The following GLIS1 variants were observed in gnomAD, a reference collection of about 807,000 sequenced individuals.
The protein encoded by GLIS1 is zinc finger protein GLIS1.
Under a neutral mutation model 63.8 loss-of-function variants are expected in GLIS1, and 24 were observed. The observed-to-expected ratio is 0.38, with a 90% CI of 0.27 to 0.53. GLIS1 has a LOEUF of 0.53. Ranked by LOEUF, GLIS1 falls within the 20% of genes least tolerant of loss-of-function variation. The pLI, the probability that GLIS1 is intolerant of heterozygous loss-of-function variation, is 0.85. For missense variants in GLIS1, 1,036 were observed against 1,074.1 expected, an observed-to-expected ratio of 0.96 and a Z score of 0.50; for synonymous variants, 450 against 482.5, an observed-to-expected ratio of 0.93 and a Z score of 0.88.
chr1:53,710,599 G>A (rs1336952782), intron 2 of GLIS1, among the ~76,000 whole-genome samples: 1 of 152,244 alleles, frequency 6.6e-6, no homozygotes, highest in African/African-American at 2.4e-5. Context: ...TTCACAGGGA[G>A]GATGAGAAAT....
intron 5 of GLIS1, 28 bp from the exon 6 acceptor site, chr1:53,524,915 G>A: frequency 6.5e-7 from 1 of 1,528,376 alleles, no homozygotes; most frequent in Non-Finnish European, 9.1e-7. Flanking sequence ...CGGGTGGGGT[G>A]AGTGAGGCCC....
chr1:53,562,713 G>A (rs748486365), intron 4 of GLIS1, among the ~76,000 whole-genome samples: 2 of 152,146 alleles, frequency 1.3e-5, no homozygotes, highest in Non-Finnish European at 2.9e-5. Context: ...GAACAATGAT[G>A]ATAAAGAAGA....
rs77369613 is a variant in GLIS1 at position 53,735,856 on chromosome 1, C to T, written c.259+1950G>A. Among the ~76,000 whole-genome samples the T allele has an allele frequency of 0.014, 2,178 of 152,206 alleles. 128 individuals are homozygous for T. In the East Asian group the frequency reaches 0.2, roughly 14 times the overall value. ...GGGGGAAAGCTGGGTTTGTCTCGGG[C>T]CACTTGGTGACTGCACTGTGAGGAA... On this transcript the variant is annotated intron_variant, in intron 2 of 10. Transcript: ENST00000628545.
intron 3 of GLIS1, among the ~76,000 whole-genome samples, chr1:53,597,178 A>T (rs1261904341): frequency 3.0e-3 from 56 of 18,836 alleles, no homozygotes; most frequent in Non-Finnish European, 4.7e-3. Flanking sequence ...GTCTCTACTA[A>T]AAAAAAAAAA....
chr1:53,600,507 C>T (rs781393712), intron 2 of GLIS1, among the ~76,000 whole-genome samples: 15 of 152,082 alleles, frequency 9.9e-5, no homozygotes, highest in Admixed American at 5.9e-4. Context: ...GCTAGGTCTC[C>T]GGTGGTTAAA....
At chr1:53,524,675 C>A (rs910687759) in intron 6 of GLIS1, 102 bp downstream of exon 6, 2 of 782,792 alleles carry the variant, frequency 2.6e-6, no homozygotes, top group East Asian at 4.9e-5. Flanking sequence ...GCATACAGGG[C>A]GAGTGGGTGG....
In GLIS1 at chr1:53,511,197, C is replaced by A. The variant is rs1008124068; in HGVS notation, c.1884-1170G>T. Among the ~76,000 whole-genome samples, 5 of 152,176 alleles carry A rather than the reference C, an allele frequency of 3.3e-5. No individual in the cohort carries two copies. Among genetic ancestry groups the A allele is most frequent in the Admixed American group, 1.3e-4 (2 of 15,272 alleles). ...GGAGATAGTGAGAGCTCGGAGTCCC[C>A]ATTTTCTTGTCTGGATTTGTGGCTT... On this transcript the variant is annotated intron_variant, in intron 8 of 10. Transcript: ENST00000628545. The surrounding 1 kb of genome is among the most constrained non-coding windows in gnomAD (Gnocchi z 4.2).
chr1:53,671,065 C>T (rs1466866004), intron 2 of GLIS1, among the ~76,000 whole-genome samples: 1 of 152,094 alleles, frequency 6.6e-6, no homozygotes, highest in South Asian at 2.1e-4. Context: ...ATTTTTAAAC[C>T]ATGCATGTGG....
chr1:53,509,396 T>C (rs1462737447), intron 9 of GLIS1, 109 bp from the exon 10 acceptor site: 24 of 1,200,598 alleles, frequency 2.0e-5, no homozygotes, highest in Non-Finnish European at 2.3e-5. Context: ...TGTCCAGGCA[T>C]TGTGGGTGTG....
rs1195304049 is a variant in GLIS1, at chr1:53,542,881, A to G, written c.1321-12929T>C. ...AGGTCCCCTCCCCGCACTATGGAGA[A>G]GACACTGAGTCTGGGCTGGCCCTGA... On this transcript the variant is annotated intron_variant, in intron 4 of 10. Coordinates refer to ENST00000628545, the MANE Select transcript of GLIS1 (RefSeq NM_001367484.1). 1.3e-4 allele frequency among the ~76,000 whole-genome samples: 20 copies of G among 152,218 alleles called. 1 individual carries two copies. Among genetic ancestry groups the G allele is most frequent in the Admixed American group, 1.2e-3 (19 of 15,292 alleles).
rs896560041 is a variant in GLIS1, at chr1:53,738,007, C to T, written c.58G>A (p.Ala20Thr). ...SDKRPKEAPG[A>T]PGPDRGPASL... ...GCGGGGCCGCGGTCGGGGCCGGGCG[C>T]ACCAGGGGCCTCCTTAGGCCTCTTG... is the stretch of plus-strand genomic sequence containing the variant. The change falls in exon 2 of 11, where the codon GCG (alanine) becomes ACG (threonine). Residue 20 changes from alanine (A) to threonine (T), a missense_variant. By Grantham distance (58) the Ala-to-Thr change is moderately conservative (BLOSUM62 0). Coordinates refer to ENST00000628545, the MANE Select transcript of GLIS1 (RefSeq NM_001367484.1). The T allele has an allele frequency of 3.3e-6, 4 of 1,230,612 alleles. No homozygotes were observed. In the African/African-American group the frequency reaches 4.7e-5, roughly 14 times the overall value. The allele number at this position is 1,230,612 out of a possible 1,614,324, so 76.2% of individuals were successfully genotyped here. A position where few individuals can be genotyped will look rare whatever the true frequency, so the allele number is the denominator to read the frequency against.
chr1:53,577,405 C>A (rs1159155952), intron 4 of GLIS1, among the ~76,000 whole-genome samples: 2 of 152,234 alleles, frequency 1.3e-5, no homozygotes, highest in Non-Finnish European at 2.9e-5. Flanking sequence ...TCCTGGTGAC[C>A]TGTCCCTCCT....
At chr1:53,523,007 A>T (rs1184785455) in intron 6 of GLIS1, among the ~76,000 whole-genome samples, 37 of 23,422 alleles carry the variant, frequency 1.6e-3, no homozygotes, top group East Asian at 2.1e-3. Flanking sequence ...TTTTTTTTTG[A>T]GACAGGGTCT....
intron 4 of GLIS1, among the ~76,000 whole-genome samples, chr1:53,576,367 G>T (rs1409917384): frequency 6.6e-6 from 1 of 152,188 alleles, no homozygotes; most frequent in African/African-American, 2.4e-5. Flanking sequence ...ACTTTGCTGT[G>T]TCCCATTTCC....
intron 4 of GLIS1, among the ~76,000 whole-genome samples, chr1:53,563,944 TTCTA>T (rs1357422866): frequency 1.3e-5 from 2 of 152,330 alleles, no homozygotes; most frequent in African/African-American, 2.4e-5. Flanking sequence ...AGTGGGCATC[TTCTA>T]TCTATCTTTC....
At chr1:53,527,332 C>A (rs1043574476) in intron 5 of GLIS1, among the ~76,000 whole-genome samples, 14 of 152,192 alleles carry the variant, frequency 9.2e-5, no homozygotes, top group Non-Finnish European at 8.8e-5. Flanking sequence ...AGGACTCGAG[C>A]CCCACACTGA....
intron 4 of GLIS1, among the ~76,000 whole-genome samples, chr1:53,580,381 G>C (rs1645073410): frequency 2.0e-5 from 3 of 152,162 alleles, no homozygotes; most frequent in African/African-American, 7.2e-5. Flanking sequence ...AGGACACCTT[G>C]AGCTCCTAGT....
At chr1:53,569,048 C>G (rs1017040605) in intron 4 of GLIS1, among the ~76,000 whole-genome samples, 2 of 152,084 alleles carry the variant, frequency 1.3e-5, no homozygotes, top group Non-Finnish European at 2.9e-5. Context: ...ATGAAATATG[C>G]CAATCTGAGA....
chr1:53,619,173 C>G (rs1205317646), intron 2 of GLIS1, among the ~76,000 whole-genome samples: 1 of 152,234 alleles, frequency 6.6e-6, no homozygotes, highest in Non-Finnish European at 1.5e-5. Context: ...CTGGTTGCCG[C>G]CTCCCAAGAC....
Sources: allele counts gnomAD v4.1 joint callset (sites outside exome capture counted in the v4.1 genomes callset), GRCh38; gene constraint gnomAD v4.1.1; non-coding constraint Gnocchi (gnomAD v3.1); transcripts MANE v1.5; gene names NCBI Gene and HGNC (gene_info 2026-07-23, HGNC 2026-07-21).